DRAXIN: variants seen among roughly 807,000 people sequenced by gnomAD.
DRAXIN encodes the protein dorsal inhibitory axon guidance protein.
In DRAXIN, 27 loss-of-function variants were observed where a neutral mutation model predicts 33.9. The ratio of observed to expected loss-of-function variants is 0.80; its 90% confidence interval spans 0.59 to 1.10. DRAXIN has a LOEUF of 1.10. DRAXIN is among the 50% of genes least tolerant of loss of function. DRAXIN has a pLI of 0.00. For synonymous variants in DRAXIN, 178 were observed against 194.0 expected (o/e 0.92, Z 0.69); for missense variants, 371 against 460.8 (o/e 0.81, Z 1.78).
intron 1 of DRAXIN, among the ~76,000 whole-genome samples, chr1:11,702,624 ACACACACATGCT>A (rs1163981515): frequency 6.6e-6 from 1 of 151,614 alleles, no homozygotes; most frequent in Non-Finnish European, 1.5e-5. Flanking sequence ...CATAGTACAC[ACACACACATGCT>A]CACACATGCT....
intron 3 of DRAXIN, 33 bp from the exon 4 acceptor site, chr1:11,711,818 G>C: frequency 5.1e-6 from 8 of 1,582,094 alleles, no homozygotes; most frequent in Non-Finnish European, 6.9e-6. Context: ...TGGATTTGAA[G>C]GTTCCAACAT....
At chr1:11,713,513 C>G (rs1641529861) in intron 5 of DRAXIN, among the ~76,000 whole-genome samples, 1 of 152,230 alleles carries the variant, frequency 6.6e-6, no homozygotes, top group Admixed American at 6.5e-5. Context: ...AAACAAGAAG[C>G]CGGACGTTGT....
rs1641694666 is a variant in DRAXIN at position 11,724,274 on chromosome 1, G to C, written c.*4578G>C. The C allele has an allele frequency of 6.6e-6, 1 of 152,316 alleles. No homozygotes were observed. Among genetic ancestry groups the C allele is most frequent in the Non-Finnish European group, 1.5e-5 (1 of 68,108 alleles). The allele number at this position is 152,316 out of a possible 1,614,324, so 9.4% of individuals were successfully genotyped here. On this transcript the variant is annotated 3_prime_UTR_variant, in exon 7 of 7. Transcript: ENST00000294485. ...AAATGATACCCTGGGTGGAGTGGGG[G>C]AGCTGAGCAGGAGGCCAGGTGGCAA...
upstream of DRAXIN, among the ~76,000 whole-genome samples, chr1:11,688,606 A>C (rs1188166751): frequency 1.3e-5 from 2 of 152,058 alleles, no homozygotes; most frequent in African/African-American, 4.8e-5. This position sits in a 1 kb window ranked among gnomAD's most constrained non-coding sequence, Gnocchi z 4.6. Context: ...TAAAAACCTA[A>C]GTCGGATCAT....
chr1:11,689,698 T>C (rs1641026910), upstream of DRAXIN, among the ~76,000 whole-genome samples: 1 of 152,212 alleles, frequency 6.6e-6, no homozygotes, highest in Admixed American at 6.5e-5. Context: ...CCAGCAACCC[T>C]TGGTGCTGTG....
chr1:11,689,723 GTCAT>G (rs1296538713), upstream of DRAXIN, among the ~76,000 whole-genome samples: 1 of 152,182 alleles, frequency 6.6e-6, no homozygotes, highest in Non-Finnish European at 1.5e-5. Flanking sequence ...CTATGGAGTA[GTCAT>G]TCTTTTTATT....
At chr1:11,712,203 T>C in intron 4 of DRAXIN, 137 bp from the exon 5 acceptor site, 1 of 1,040,780 alleles carries the variant, frequency 9.6e-7, no homozygotes, top group Non-Finnish European at 1.5e-6. Flanking sequence ...TGAGGGAAAA[T>C]ACCTGTTAGG....
At chr1:11,695,366 G>A (rs1641174108) in intron 1 of DRAXIN, among the ~76,000 whole-genome samples, 2 of 151,962 alleles carry the variant, frequency 1.3e-5, no homozygotes, top group South Asian at 4.1e-4. Flanking sequence ...CTCACTTGAG[G>A]CCAGGGGTTC....
chr1:11,716,015 G>A (rs923307686), intron 6 of DRAXIN, among the ~76,000 whole-genome samples: 17 of 152,096 alleles, frequency 1.1e-4, no homozygotes, highest in Non-Finnish European at 2.4e-4. Flanking sequence ...GACTACAGGC[G>A]CATGCCACCA....
At chr1:11,718,015 A>C (rs1641605678) in intron 6 of DRAXIN, among the ~76,000 whole-genome samples, 1 of 147,246 alleles carries the variant, frequency 6.8e-6, no homozygotes, top group Non-Finnish European at 1.5e-5. Context: ...AAAAAAAAAA[A>C]AAGGGAGGCC....
Position 11,704,073 on chromosome 1 carries a change from C to A in DRAXIN, c.-10-2176C>A, listed in dbSNP as rs1416860009. Among the ~76,000 whole-genome samples the A allele has an allele frequency of 6.6e-6, 1 of 152,180 alleles. No individual in the cohort carries two copies. The highest frequency in any genetic ancestry group is 6.5e-5 in the Admixed American group (1 of 15,282). ...CAGGGACAGCAGACTAGCTGAGAAG[C>A]TGCCCACCTCTCTACTGAGCCTCCT... On this transcript the variant is annotated intron_variant, in intron 1 of 6. Coordinates refer to ENST00000294485, the MANE Select transcript of DRAXIN (RefSeq NM_198545.4). This position sits in a 1 kb window ranked among gnomAD's most constrained non-coding sequence, Gnocchi z 4.6.
Position 11,719,822 on chromosome 1 carries a change from C to T in DRAXIN, c.*126C>T. ...AGGCTGCAGACTCAGGCCCAGGACACTCAACCCCAGGAGGGGAGCCGCTCG... is the reference window on the plus strand; with the variant it reads ...AGGCTGCAGACTCAGGCCCAGGACATTCAACCCCAGGAGGGGAGCCGCTCG... On this transcript the variant is annotated 3_prime_UTR_variant, in exon 7 of 7. Transcript: ENST00000294485. 1 of 901,542 alleles carries T rather than the reference C, an allele frequency of 1.1e-6. No homozygotes were observed. The highest frequency in any genetic ancestry group is 2.7e-5 in the East Asian group (1 of 37,030). 55.8% of individuals were successfully genotyped at this position (901,542 alleles called of 1,614,324 possible). A position where few individuals can be genotyped will look rare whatever the true frequency, so the allele number is the denominator to read the frequency against.
chr1:11,718,964 G>T (rs1042242677), intron 6 of DRAXIN, among the ~76,000 whole-genome samples: 4 of 152,116 alleles, frequency 2.6e-5, no homozygotes, highest in Non-Finnish European at 5.9e-5. Context: ...GCAGTGGCAT[G>T]ATCTTGGCTC....
rs1166238939 is a variant in DRAXIN at position 11,692,026 on chromosome 1, C to G, written c.-11+173C>G. Reference sequence around the variant, plus strand: ...CCCTCGGACCCGTCTATCCGCCAGTCCTTCCGCCGCCTCCTCTCCTCGCCG... The same window carrying G: ...CCCTCGGACCCGTCTATCCGCCAGTGCTTCCGCCGCCTCCTCTCCTCGCCG... On this transcript the variant is annotated intron_variant, in intron 1 of 6. Transcript: ENST00000294485. The surrounding 1 kb of genome is among the most constrained non-coding windows in gnomAD (Gnocchi z 5.8). 6.6e-6 allele frequency among the ~76,000 whole-genome samples: 1 copy of G among 152,018 alleles called. No homozygotes were observed. Among genetic ancestry groups the G allele is most frequent in the Non-Finnish European group, 1.5e-5 (1 of 67,986 alleles).
At chr1:11,717,207 C>T (rs920971181) in intron 6 of DRAXIN, among the ~76,000 whole-genome samples, 3 of 151,846 alleles carry the variant, frequency 2.0e-5, no homozygotes, top group East Asian at 1.9e-4. Flanking sequence ...CGCTTGAACC[C>T]GGGAGGCAGA....
At chr1:11,698,994 G>A (rs1299643754) in intron 1 of DRAXIN, among the ~76,000 whole-genome samples, 1 of 152,164 alleles carries the variant, frequency 6.6e-6, no homozygotes, top group Non-Finnish European at 1.5e-5. Flanking sequence ...GGGAGTATCC[G>A]GAAGGGAAGA....
intron 6 of DRAXIN, among the ~76,000 whole-genome samples, chr1:11,718,141 TAAAA>T (rs60384383): frequency 3.4e-5 from 4 of 116,178 alleles, no homozygotes; most frequent in African/African-American, 1.3e-4. Context: ...CCATCTCTGC[TAAAA>T]AAAAAAAAAA....
chr1:11,711,752 C>T lies in DRAXIN; in HGVS notation c.643-99C>T, dbSNP rs962624596. 13 of 1,142,920 alleles carry T rather than the reference C, an allele frequency of 1.1e-5. No individual in the cohort carries two copies. The African/African-American group carries it at 1.2e-4, about 11-fold the overall frequency. The allele number at this position is 1,142,920 out of a possible 1,614,324, so 70.8% of individuals were successfully genotyped here. ...GCTGCCCAGCAGAGGATAAGGTGGC[C>T]TCTGAGAAGCCTCTTTTTTGTCCTC... On this transcript the variant is annotated intron_variant, in intron 3 of 6. Coordinates refer to ENST00000294485, the MANE Select transcript of DRAXIN (RefSeq NM_198545.4).
chr1:11,699,994 T>G (rs910206021), intron 1 of DRAXIN, among the ~76,000 whole-genome samples: 4 of 150,432 alleles, frequency 2.7e-5, no homozygotes, highest in African/African-American at 9.8e-5. Context: ...ATCCCAGCAC[T>G]TTGGGAGGCC....
Sources: allele counts gnomAD v4.1 joint callset (sites outside exome capture counted in the v4.1 genomes callset), GRCh38; gene constraint gnomAD v4.1.1; non-coding constraint Gnocchi (gnomAD v3.1); transcripts MANE v1.5; gene names NCBI Gene and HGNC (gene_info 2026-07-23, HGNC 2026-07-21).